The following PPM1L variants were observed in gnomAD, a reference collection of about 807,000 sequenced individuals.
PPM1L encodes protein phosphatase, Mg2+/Mn2+ dependent 1L.
Under a neutral mutation model 31.4 loss-of-function variants are expected in PPM1L, and 13 were observed. That is an observed-to-expected ratio of 0.41 (90% CI 0.27 to 0.66). PPM1L has a LOEUF of 0.66. Ranked by LOEUF, PPM1L falls within the 30% of genes least tolerant of loss-of-function variation. The probability of loss-of-function intolerance (pLI) is 0.29; values close to 1 mark genes in which losing one functional copy is unlikely to be tolerated. For missense variants in PPM1L, 326 were observed against 453.7 expected (o/e 0.72, Z 2.56); for synonymous variants, 184 against 175.4 (o/e 1.05, Z -0.39).
intron 2 of PPM1L, among the ~76,000 whole-genome samples, chr3:161,031,793 C>T (rs1295528776): frequency 6.6e-6 from 1 of 152,104 alleles, no homozygotes; most frequent in Non-Finnish European, 1.5e-5. Context: ...TGAGCCACCA[C>T]ACCAGACGAT....
intron 1 of PPM1L, among the ~76,000 whole-genome samples, chr3:160,850,481 G>A (rs116368932): frequency 0.014 from 2,201 of 152,182 alleles, 59 homozygotes; most frequent in African/African-American, 0.051. Context: ...GGCCATTAGT[G>A]ATTTAGTCAA....
intron 2 of PPM1L, among the ~76,000 whole-genome samples, chr3:161,049,617 T>G (rs1287737500): frequency 6.6e-6 from 1 of 152,220 alleles, no homozygotes; most frequent in Non-Finnish European, 1.5e-5. Context: ...ATTCCATATC[T>G]GTAGAATGGG....
At chr3:160,978,530 C>A (rs1716683780) in intron 2 of PPM1L, among the ~76,000 whole-genome samples, 1 of 152,116 alleles carries the variant, frequency 6.6e-6, no homozygotes, top group Non-Finnish European at 1.5e-5. Context: ...TGCATAACAA[C>A]CATCTATAAA....
intron 1 of PPM1L, among the ~76,000 whole-genome samples, chr3:160,906,674 C>G (rs1713773644): frequency 6.6e-6 from 1 of 151,844 alleles, no homozygotes; most frequent in African/African-American, 2.4e-5. Context: ...CTCAATAGCT[C>G]TGATGAAGTT....
intron 1 of PPM1L, among the ~76,000 whole-genome samples, chr3:160,789,416 ATC>A (rs1160184093): frequency 6.6e-6 from 1 of 151,964 alleles, no homozygotes; most frequent in East Asian, 1.9e-4. Flanking sequence ...TTCTATTTGT[ATC>A]TCTCTTATTA....
intron 1 of PPM1L, among the ~76,000 whole-genome samples, chr3:160,798,928 T>A (rs1323625763): frequency 2.0e-5 from 3 of 152,226 alleles, no homozygotes; most frequent in Non-Finnish European, 4.4e-5. Context: ...AATATCAACA[T>A]TAACAGGAGT....
At chr3:160,877,476 G>C (rs1712555366) in intron 1 of PPM1L, among the ~76,000 whole-genome samples, 2 of 152,194 alleles carry the variant, frequency 1.3e-5, no homozygotes, top group African/African-American at 4.8e-5. Flanking sequence ...TTGTTTTTGA[G>C]GGTAGGTACC....
intron 1 of PPM1L, among the ~76,000 whole-genome samples, chr3:160,768,695 A>G (rs564482358): frequency 1.8e-4 from 27 of 152,252 alleles, no homozygotes; most frequent in African/African-American, 6.3e-4. Flanking sequence ...GACTTATGCT[A>G]CAGGTGGAGT....
At chr3:160,969,917 T>A (rs968122260) in intron 2 of PPM1L, among the ~76,000 whole-genome samples, 4 of 152,230 alleles carry the variant, frequency 2.6e-5, no homozygotes, top group African/African-American at 9.6e-5. Context: ...GAGAAAAAGA[T>A]AATCTTTAAT....
intron 1 of PPM1L, among the ~76,000 whole-genome samples, chr3:160,813,743 A>G (rs987335559): frequency 6.6e-5 from 10 of 152,200 alleles, no homozygotes; most frequent in Non-Finnish European, 1.5e-4. Flanking sequence ...TAGCCCATTG[A>G]TTTGGTTTCA....
intron 1 of PPM1L, among the ~76,000 whole-genome samples, chr3:160,764,938 T>G (rs1715068572): frequency 6.6e-6 from 1 of 152,220 alleles, no homozygotes; most frequent in Admixed American, 6.5e-5. Context: ...TTTGTGTTTC[T>G]ACTGTACTTT....
intron 1 of PPM1L, among the ~76,000 whole-genome samples, chr3:160,827,447 T>TTGTGTG (rs59524935): frequency 0.13 from 18,167 of 141,304 alleles, 2,471 homozygotes; most frequent in African/African-American, 0.35. Context: ...TGATATAAGT[T>TTGTGTG]TGTGTGTGTG....
At chr3:160,792,247 G>T (rs1329284137) in intron 1 of PPM1L, among the ~76,000 whole-genome samples, 3 of 152,186 alleles carry the variant, frequency 2.0e-5, no homozygotes, top group South Asian at 2.1e-4. Flanking sequence ...TTAACTTTTA[G>T]TTATTTTTCT....
intron 2 of PPM1L, among the ~76,000 whole-genome samples, chr3:161,027,398 A>G (rs943851738): frequency 1.3e-5 from 2 of 152,332 alleles, no homozygotes; most frequent in African/African-American, 4.8e-5. Context: ...TACAGGAAAA[A>G]GGGTTTAATG....
intron 1 of PPM1L, among the ~76,000 whole-genome samples, chr3:160,827,009 A>G (rs1713371384): frequency 6.6e-6 from 1 of 152,202 alleles, no homozygotes; most frequent in Non-Finnish European, 1.5e-5. Flanking sequence ...AATAAAATAC[A>G]AAAGAACAAT....
At chr3:160,795,858 C>T (rs1348493669) in intron 1 of PPM1L, among the ~76,000 whole-genome samples, 2 of 152,188 alleles carry the variant, frequency 1.3e-5, no homozygotes, top group Non-Finnish European at 2.9e-5. Context: ...CCTCACAGGG[C>T]TCCCCCAGGT....
intron 1 of PPM1L, among the ~76,000 whole-genome samples, chr3:160,770,558 C>T (rs952029498): frequency 5.3e-5 from 8 of 152,154 alleles, no homozygotes; most frequent in Admixed American, 3.9e-4. Flanking sequence ...GCATCGATTA[C>T]ATAACAGGAA....
intron 1 of PPM1L, among the ~76,000 whole-genome samples, chr3:160,791,023 GA>G (rs1383963610): frequency 6.6e-6 from 1 of 152,082 alleles, no homozygotes; most frequent in Non-Finnish European, 1.5e-5. Flanking sequence ...GAGAGATCCA[GA>G]AGGTCTTTTG....
At chr3:160,920,266 C>G (rs752701745) in intron 1 of PPM1L, among the ~76,000 whole-genome samples, 1 of 152,124 alleles carries the variant, frequency 6.6e-6, no homozygotes, top group Non-Finnish European at 1.5e-5. Flanking sequence ...CCTCTGGGAG[C>G]TCTATGGCAA....
Sources: gnomAD v4.1 joint callset for allele counts (sites outside exome capture counted in the v4.1 genomes callset) on GRCh38, gnomAD v4.1.1 for gene constraint, MANE v1.5 for transcripts, NCBI Gene and HGNC (gene_info 2026-07-23, HGNC 2026-07-21) for gene names.